The following GALNT13 variants were observed in gnomAD, a reference collection of about 807,000 sequenced individuals.
GALNT13 encodes the protein polypeptide N-acetylgalactosaminyltransferase 13.
GALNT13 carries 28 observed loss-of-function variants against 64.2 expected under a neutral mutation model. The ratio of observed to expected loss-of-function variants is 0.44; its 90% CI spans 0.32 to 0.60. The LOEUF is 0.60. Ranked by LOEUF, GALNT13 falls within the 20% of genes least tolerant of loss-of-function variation. GALNT13 has a pLI of 0.05. For synonymous variants in GALNT13, 214 were observed against 224.6 expected, an observed-to-expected ratio of 0.95 and a Z score of 0.42; for missense variants, 577 against 669.8, an observed-to-expected ratio of 0.86 and a Z score of 1.53.
At chr2:153,742,468 A>G in the GALNT13 span, among the ~76,000 whole-genome samples, 1 of 152,138 alleles carries the variant, frequency 6.6e-6, no homozygotes, top group Non-Finnish European at 1.5e-5. Context: ...TTACATGTAT[A>G]CAATGCATAT....
At chr2:153,404,064 G>C in the GALNT13 span, among the ~76,000 whole-genome samples, 1 of 152,312 alleles carries the variant, frequency 6.6e-6, no homozygotes, top group East Asian at 1.9e-4. Context: ...CATTAGGGAA[G>C]TTGTAATAAA....
the GALNT13 span, among the ~76,000 whole-genome samples, chr2:153,591,438 A>C: frequency 5.1e-4 from 77 of 152,208 alleles, 1 homozygote; most frequent in African/African-American, 1.8e-3. Context: ...CCTCAGAATT[A>C]GAAAAATAGA....
At chr2:153,717,889 T>C in the GALNT13 span, among the ~76,000 whole-genome samples, 1 of 152,164 alleles carries the variant, frequency 6.6e-6, no homozygotes, top group Non-Finnish European at 1.5e-5. Context: ...TGGCCATCAA[T>C]TATTTACGCT....
the GALNT13 span, among the ~76,000 whole-genome samples, chr2:153,554,054 A>G: frequency 6.6e-6 from 1 of 151,990 alleles, no homozygotes; most frequent in South Asian, 2.1e-4. Context: ...TATTGTAAGA[A>G]CAAGTTTGCC....
chr2:153,327,970 T>C, the GALNT13 span, among the ~76,000 whole-genome samples: 1 of 152,172 alleles, frequency 6.6e-6, no homozygotes, highest in Non-Finnish European at 1.5e-5. Context: ...GACCTTCAGA[T>C]GGTTTTTGTG....
intron 8 of GALNT13, chr2:154,287,219 G>A: frequency 7.8e-7 from 1 of 1,284,880 alleles, no homozygotes; most frequent in Non-Finnish European, 1.1e-6. Flanking sequence ...GGAAAAGGCT[G>A]AGCATCAGAA....
the GALNT13 span, among the ~76,000 whole-genome samples, chr2:153,558,068 G>A: frequency 6.6e-6 from 1 of 152,164 alleles, no homozygotes; most frequent in South Asian, 2.1e-4. Flanking sequence ...GTTCATCACT[G>A]TGACTATGTG....
At chr2:153,462,746 T>C in the GALNT13 span, among the ~76,000 whole-genome samples, 1 of 152,150 alleles carries the variant, frequency 6.6e-6, no homozygotes, top group African/African-American at 2.4e-5. Context: ...TTGTCACTGT[T>C]CAAAAGACTT....
At chr2:154,268,509 C>T (rs1046172530) in intron 8 of GALNT13, among the ~76,000 whole-genome samples, 1 of 152,042 alleles carries the variant, frequency 6.6e-6, no homozygotes, top group Admixed American at 6.5e-5. Context: ...GTGACAGCCT[C>T]ACAAGTTTCA....
At chr2:153,847,248 A>G in the GALNT13 span, among the ~76,000 whole-genome samples, 1 of 152,104 alleles carries the variant, frequency 6.6e-6, no homozygotes, top group African/African-American at 2.4e-5. Flanking sequence ...CAAATTATAT[A>G]GAAAGAATTA....
At chr2:154,394,871 A>G (rs1028209258) in intron 9 of GALNT13, among the ~76,000 whole-genome samples, 5 of 152,216 alleles carry the variant, frequency 3.3e-5, no homozygotes, top group African/African-American at 7.2e-5. Flanking sequence ...TAATAACACT[A>G]TGGCATTTAA....
intron 8 of GALNT13, among the ~76,000 whole-genome samples, chr2:154,276,774 G>A (rs1350560684): frequency 6.6e-6 from 1 of 152,152 alleles, no homozygotes; most frequent in East Asian, 1.9e-4. Flanking sequence ...TAATCATGGG[G>A]GTGGTTAGTT....
intron 4 of GALNT13, among the ~76,000 whole-genome samples, chr2:154,237,518 T>TTATATA (rs10624007): frequency 0.16 from 22,297 of 142,530 alleles, 1,935 homozygotes; most frequent in Middle Eastern, 0.27. Context: ...TCTGCCAGCT[T>TTATATA]TATATATATA....
chr2:153,624,310 A>T, the GALNT13 span, among the ~76,000 whole-genome samples: 5 of 152,130 alleles, frequency 3.3e-5, no homozygotes, highest in Non-Finnish European at 7.4e-5. Context: ...TATTGGGCAC[A>T]GAATCACTCC....
At chr2:154,252,189 G>T (rs1253937454) in intron 7 of GALNT13, among the ~76,000 whole-genome samples, 1 of 151,670 alleles carries the variant, frequency 6.6e-6, no homozygotes, top group African/African-American at 2.4e-5. Context: ...AGATTAAATA[G>T]AATCCTGATG....
chr2:153,459,525 C>A, the GALNT13 span, among the ~76,000 whole-genome samples: 2 of 152,010 alleles, frequency 1.3e-5, no homozygotes, highest in African/African-American at 2.4e-5. Context: ...CATTATAAAC[C>A]CATATGCACT....
chr2:154,089,552 G>T (rs985358050), intron 3 of GALNT13, among the ~76,000 whole-genome samples: 5 of 152,038 alleles, frequency 3.3e-5, no homozygotes, highest in African/African-American at 1.2e-4. Context: ...GGGAATGGGG[G>T]CTGAGAAACA....
the GALNT13 span, among the ~76,000 whole-genome samples, chr2:153,125,017 A>G: frequency 6.6e-6 from 1 of 152,226 alleles, no homozygotes; most frequent in Non-Finnish European, 1.5e-5. Context: ...CAGATTTAGC[A>G]AATAAAAATA....
At chr2:153,127,519 CCAT>C in the GALNT13 span, among the ~76,000 whole-genome samples, 1 of 144,604 alleles carries the variant, frequency 6.9e-6, no homozygotes, top group Non-Finnish European at 1.5e-5. Context: ...CATCTTGATA[CCAT>C]TACCTGTTAC....
Sources: allele counts gnomAD v4.1 joint callset (sites outside exome capture counted in the v4.1 genomes callset), GRCh38; gene constraint gnomAD v4.1.1; transcripts MANE v1.5; gene names NCBI Gene and HGNC (gene_info 2026-07-23, HGNC 2026-07-21).